Variants in ARHGAP29 observed in about 807,000 individuals in gnomAD.
ARHGAP29 encodes the protein rho GTPase-activating protein 29.
Under a neutral mutation model 122.6 loss-of-function variants are expected in ARHGAP29, and 43 were observed. That is an observed-to-expected ratio of 0.35 (90% CI 0.27 to 0.45). The LOEUF is 0.45. ARHGAP29 is among the 20% of genes least tolerant of loss of function. The pLI is 1.00. For missense variants in ARHGAP29, 1,303 were observed against 1,477.2 expected, an observed-to-expected ratio of 0.88 and a Z score of 1.93; for synonymous variants, 506 against 497.1, an observed-to-expected ratio of 1.02 and a Z score of -0.24.
chr1:94,237,431 G>C lies in ARHGAP29; in HGVS notation c.-49C>G, dbSNP rs1286352802. ...CACACTCACCACGGCGCTCCATCTC[G>C]CGTGCCGGACGCGGACGCCCGCCCC... On this transcript the variant is annotated 5_prime_UTR_variant, in exon 1 of 23. Coordinates refer to ENST00000260526, the MANE Select transcript of ARHGAP29 (RefSeq NM_004815.4). 1.0e-6 allele frequency: 1 copy of C among 986,750 alleles called. No homozygotes were observed. Among genetic ancestry groups the C allele is most frequent in the Non-Finnish European group, 1.2e-6 (1 of 830,672 alleles). The allele number at this position is 986,750 out of a possible 1,614,324, so 61.1% of individuals were successfully genotyped here.
chr1:94,170,124 T>A lies in ARHGAP29; in HGVS notation c.*3745A>T, dbSNP rs912962253. On this transcript the variant is annotated 3_prime_UTR_variant, in exon 23 of 23. Transcript: ENST00000260526. ...ACAATTCGATGAGAAACAATACATT[T>A]ACAATCTTTAAGAATCTCCTCACAA... Among the ~76,000 whole-genome samples, 1 of 152,202 alleles carries A rather than the reference T, an allele frequency of 6.6e-6. No homozygotes were observed. The highest frequency in any genetic ancestry group is 1.9e-4 in the East Asian group (1 of 5,188).
chr1:94,177,373 C>CA, intron 22 of ARHGAP29: 1 of 338,824 alleles, frequency 3.0e-6, no homozygotes. Flanking sequence ...AGAAGGAACA[C>CA]AAAAAACATT....
intron 12 of ARHGAP29, chr1:94,195,030 T>C (rs1262881662): frequency 1.3e-5 from 2 of 152,138 alleles, no homozygotes; most frequent in African/African-American, 4.8e-5. Flanking sequence ...AGTTTCTAAA[T>C]GATAATTAGA....
upstream of ARHGAP29, among the ~76,000 whole-genome samples, chr1:94,242,226 C>T (rs1411017393): frequency 6.6e-6 from 1 of 152,138 alleles, no homozygotes; most frequent in Non-Finnish European, 1.5e-5. Flanking sequence ...TCCACATTTT[C>T]ATCAGCCAGA....
At position 94,190,078 on chromosome 1, in the gene ARHGAP29, T is replaced by C. The variant is rs1205941457; in HGVS notation, c.1287A>G (p.Thr429=). Reference sequence around the variant, plus strand: ...GATGCTGCATGTGGAAGAGGTTAACTGTTACCTATGGACCCAGAGACAAAA... The same window carrying C: ...GATGCTGCATGTGGAAGAGGTTAACCGTTACCTATGGACCCAGAGACAAAA... ...FQCDLTLKAV[T]VNLFHMQHLQ... Residue 429 remains threonine (T), a synonymous_variant, in exon 13 of 23, where the codon ACA becomes ACG. Coordinates refer to ENST00000260526, the MANE Select transcript of ARHGAP29 (RefSeq NM_004815.4). 2 of 1,613,012 alleles carry C rather than the reference T, an allele frequency of 1.2e-6. No individual in the cohort carries two copies. The highest frequency in any genetic ancestry group is 1.7e-6 in the Non-Finnish European group (2 of 1,179,348).
At chr1:94,237,322 C>A (rs1369877938) in intron 1 of ARHGAP29, 93 bp downstream of exon 1, 2 of 890,982 alleles carry the variant, frequency 2.2e-6, no homozygotes, top group South Asian at 5.1e-5. Flanking sequence ...CCTCCCGGAC[C>A]CTGGACGGCA....
chr1:94,203,567 T>C (rs1389814819), intron 8 of ARHGAP29, among the ~76,000 whole-genome samples: 1 of 152,062 alleles, frequency 6.6e-6, no homozygotes, highest in Non-Finnish European at 1.5e-5. Context: ...AAACCCCATC[T>C]CTACAAAAAC....
rs1469873602 is a variant in ARHGAP29, at chr1:94,209,366, G to A, written c.341-16C>T. ...AAGTTCACAGCTGTAAGGAAAAGTT[G>A]GTTACAATAAGGAAAAACATACTTT... On this transcript the variant is annotated splice_polypyrimidine_tract_variant and intron_variant, in intron 3 of 22. Coordinates refer to ENST00000260526, the MANE Select transcript of ARHGAP29 (RefSeq NM_004815.4). The A allele has an allele frequency of 6.4e-7, 1 of 1,552,824 alleles. No individual in the cohort carries two copies. The highest frequency in any genetic ancestry group is 1.4e-5 in the African/African-American group (1 of 72,472).
the ARHGAP29 span, among the ~76,000 whole-genome samples, chr1:94,295,233 CG>C: frequency 1.3e-5 from 2 of 152,200 alleles, no homozygotes; most frequent in East Asian, 3.9e-4. Context: ...GGTGGGTAGC[CG>C]GGTTCACCAG....
At chr1:94,284,597 A>G in the ARHGAP29 span, among the ~76,000 whole-genome samples, 1 of 152,312 alleles carries the variant, frequency 6.6e-6, no homozygotes, top group Non-Finnish European at 1.5e-5. Context: ...CTGCTGTGAA[A>G]TCAGCAATGT....
chr1:94,225,155 A>T (rs1326227154), intron 2 of ARHGAP29, among the ~76,000 whole-genome samples: 1 of 152,162 alleles, frequency 6.6e-6, no homozygotes. Flanking sequence ...CTGCATCATA[A>T]ATGGTTTAAA....
At chr1:94,238,030 A>C (rs1653409725), upstream of ARHGAP29, among the ~76,000 whole-genome samples, 3 of 139,644 alleles carry the variant, frequency 2.1e-5, no homozygotes, top group Admixed American at 2.1e-4. Context: ...GGAGGGTAAT[A>C]GTTTCCACTT....
intron 1 of ARHGAP29, among the ~76,000 whole-genome samples, chr1:94,261,891 A>T (rs755474875): frequency 6.6e-6 from 1 of 152,194 alleles, no homozygotes; most frequent in African/African-American, 2.4e-5. Context: ...CTTCACAACT[A>T]GAAAAAGCTA....
intron 1 of ARHGAP29, among the ~76,000 whole-genome samples, chr1:94,232,598 C>CA (rs1413845541): frequency 6.6e-6 from 1 of 152,012 alleles, no homozygotes; most frequent in East Asian, 1.9e-4. Context: ...AGATATGTGA[C>CA]CAGTACAATT....
intron 1 of ARHGAP29, among the ~76,000 whole-genome samples, chr1:94,237,162 C>T (rs1411543465): frequency 6.6e-6 from 1 of 152,210 alleles, no homozygotes; most frequent in South Asian, 2.1e-4. Context: ...TCCCGGCCAC[C>T]GCTGGCGTCC....
At chr1:94,209,795 ATAAT>A (rs1651469102) in intron 3 of ARHGAP29, among the ~76,000 whole-genome samples, 1 of 86,438 alleles carries the variant, frequency 1.2e-5, no homozygotes. Flanking sequence ...TGAATTACCA[ATAAT>A]TAAAGTCATA....
rs140050278 is a variant in ARHGAP29, at chr1:94,214,587, T to G, written c.341-5237A>C. On this transcript the variant is annotated intron_variant, in intron 3 of 22. Transcript: ENST00000260526. Reference sequence around the variant, plus strand: ...TCCATCCCCATTGCCATTGATTTAATTCAAAAGCCCACGTTTTACCTCTAG... The same window carrying G: ...TCCATCCCCATTGCCATTGATTTAAGTCAAAAGCCCACGTTTTACCTCTAG... 7.3e-4 allele frequency among the ~76,000 whole-genome samples: 111 copies of G among 152,334 alleles called. 1 individual carries two copies. The highest frequency in any genetic ancestry group is 2.3e-3 in the African/African-American group (97 of 41,582).
At chr1:94,266,600 T>C (rs562688134) in intron 1 of ARHGAP29, among the ~76,000 whole-genome samples, 8 of 152,260 alleles carry the variant, frequency 5.3e-5, no homozygotes, top group Admixed American at 4.6e-4. Flanking sequence ...GTGGTGGGGC[T>C]CAGGGTGTAG....
chr1:94,177,522 C>T, intron 22 of ARHGAP29, 90 bp downstream of exon 22: 2 of 915,136 alleles, frequency 2.2e-6, no homozygotes, highest in Non-Finnish European at 3.2e-6. Flanking sequence ...CTCTGGCTTC[C>T]CTCATTGCCC....
Sources: gnomAD v4.1 joint callset for allele counts (sites outside exome capture counted in the v4.1 genomes callset) on GRCh38, gnomAD v4.1.1 for gene constraint, MANE v1.5 for transcripts, NCBI Gene and HGNC (gene_info 2026-07-23, HGNC 2026-07-21) for gene names.